The following LARS2 variants were observed in gnomAD, a reference collection of about 807,000 sequenced individuals.
LARS2 encodes leucyl-tRNA synthetase 2, mitochondrial, also known as leucine--tRNA ligase, mitochondrial.
A neutral mutation model predicts 116.6 loss-of-function variants in LARS2; 81 were observed. The ratio of observed to expected loss-of-function variants is 0.69; its 90% CI spans 0.58 to 0.84. The LOEUF (loss-of-function observed/expected upper bound fraction) is 0.84, where lower values mean the gene tolerates loss of function less well. Ranked by LOEUF, LARS2 falls within the 40% of genes least tolerant of loss-of-function variation. The pLI is 0.00. For missense variants in LARS2, 968 were observed against 1,114.5 expected, an observed-to-expected ratio of 0.87 and a Z score of 1.87; for synonymous variants, 396 against 407.2, an observed-to-expected ratio of 0.97 and a Z score of 0.33.
intron 13 of LARS2, among the ~76,000 whole-genome samples, chr3:45,492,665 C>A (rs1030901407): frequency 2.0e-5 from 3 of 152,294 alleles, no homozygotes; most frequent in South Asian, 4.1e-4. Flanking sequence ...CTTCTCTGAG[C>A]GTGAAATCCC....
intron 8 of LARS2, among the ~76,000 whole-genome samples, chr3:45,473,001 G>A (rs1699551844): frequency 6.6e-6 from 1 of 152,200 alleles, no homozygotes; most frequent in Non-Finnish European, 1.5e-5. Flanking sequence ...TGAGTACAGG[G>A]AATTAAATGG....
chr3:45,515,796 A>G (rs1700361733), intron 16 of LARS2, among the ~76,000 whole-genome samples: 1 of 152,254 alleles, frequency 6.6e-6, no homozygotes, highest in Admixed American at 6.5e-5. Context: ...TTGTGTATAA[A>G]TAATTCACTT....
intron 16 of LARS2, among the ~76,000 whole-genome samples, chr3:45,515,872 A>T (rs1700362520): frequency 6.6e-6 from 1 of 152,182 alleles, no homozygotes; most frequent in African/African-American, 2.4e-5. Flanking sequence ...TGTCCTGTTT[A>T]TTCGCGAAGG....
At chr3:45,427,105 A>G (rs1257081665) in intron 6 of LARS2, among the ~76,000 whole-genome samples, 5 of 152,230 alleles carry the variant, frequency 3.3e-5, no homozygotes, top group African/African-American at 4.8e-5. Flanking sequence ...AAATAAGGGT[A>G]CAAAATCTCT....
intron 6 of LARS2, among the ~76,000 whole-genome samples, chr3:45,423,664 A>G (rs905645168): frequency 8.5e-5 from 13 of 152,188 alleles, no homozygotes; most frequent in African/African-American, 3.1e-4. Flanking sequence ...ATTCATAGCA[A>G]TTATTTAAAT....
chr3:45,468,996 T>C (rs1230254966), intron 8 of LARS2, among the ~76,000 whole-genome samples: 8 of 152,170 alleles, frequency 5.3e-5, no homozygotes, highest in Non-Finnish European at 1.0e-4. Context: ...GCTGTGCACT[T>C]GTATGTGTGG....
chr3:45,438,288 G>T (rs1411163017), intron 6 of LARS2, among the ~76,000 whole-genome samples: 1 of 152,128 alleles, frequency 6.6e-6, no homozygotes, highest in Non-Finnish European at 1.5e-5. Context: ...ACATGTTTAA[G>T]CCAGTCCAGT....
chr3:45,480,177 C>T (rs56335636), intron 10 of LARS2, among the ~76,000 whole-genome samples: 4,816 of 152,208 alleles, frequency 0.032, 94 homozygotes, highest in Non-Finnish European at 0.049. Flanking sequence ...GGAAAAGCTT[C>T]TGTGCTCAAA....
intron 6 of LARS2, among the ~76,000 whole-genome samples, chr3:45,430,068 G>C (rs969954205): frequency 3.1e-5 from 4 of 127,382 alleles, no homozygotes; most frequent in African/African-American, 1.1e-4. Context: ...CTGGAGTGTA[G>C]TGGCGCGATC....
intron 3 of LARS2, among the ~76,000 whole-genome samples, chr3:45,396,919 G>A (rs766061193): frequency 1.3e-5 from 2 of 152,150 alleles, no homozygotes; most frequent in Non-Finnish European, 2.9e-5. Context: ...GATCCCAGAA[G>A]GCAAAAGAAT....
rs116614451 is a variant in LARS2 at position 45,501,481 on chromosome 3, G to A, written c.1760+902G>A. 5.9e-3 allele frequency among the ~76,000 whole-genome samples: 896 copies of A among 152,216 alleles called. 10 individuals are homozygous for A. The highest frequency in any genetic ancestry group is 0.021 in the African/African-American group (864 of 41,542). ...CAACAGTTTTTTGAGATTCAGCAGT[G>A]CTGACGGATGAAGTTATATTTCATT... On this transcript the variant is annotated intron_variant, in intron 15 of 21. Coordinates refer to ENST00000645846, the MANE Select transcript of LARS2 (RefSeq NM_015340.4).
chr3:45,404,897 A>G (rs1206662640), intron 4 of LARS2, among the ~76,000 whole-genome samples: 1 of 151,988 alleles, frequency 6.6e-6, no homozygotes, highest in African/African-American at 2.4e-5. Context: ...AGTCCTTGCT[A>G]TTTTTCAAAG....
At chr3:45,411,472 C>G (rs1436122093) in intron 4 of LARS2, among the ~76,000 whole-genome samples, 2 of 152,156 alleles carry the variant, frequency 1.3e-5, no homozygotes, top group Non-Finnish European at 2.9e-5. Context: ...CAGCCATAAC[C>G]CTATCCTGAG....
At chr3:45,406,244 C>A (rs949606762) in intron 4 of LARS2, among the ~76,000 whole-genome samples, 1 of 152,148 alleles carries the variant, frequency 6.6e-6, no homozygotes, top group Non-Finnish European at 1.5e-5. Context: ...GTAAAAATTT[C>A]TCTGTGTGTC....
In LARS2 at chr3:45,484,620, A is replaced by ATATATATATATATATATAT. The variant is rs1180010440; in HGVS notation, c.1019-1072_1019-1071insTATATATATATATATATAT. ...TGTCTCTACAAAAAAAAAAAAAAAA[A>ATATATATATATATATATAT]AAAAAAAAAAATATATATATATATA... On this transcript the variant is annotated intron_variant, in intron 10 of 21. Transcript: ENST00000645846. Among the ~76,000 whole-genome samples, 60 of 13,954 alleles carry ATATATATATATATATATAT rather than the reference A, an allele frequency of 4.3e-3. 4 individuals are homozygous for ATATATATATATATATATAT. Among genetic ancestry groups the ATATATATATATATATATAT allele is most frequent in the South Asian group, 6.5e-3 (1 of 154 alleles). The allele number at this position is 13,954 out of a possible 152,430, so 9.2% of individuals were successfully genotyped here.
At chr3:45,410,887 C>T (rs1368828567) in intron 4 of LARS2, among the ~76,000 whole-genome samples, 1 of 152,258 alleles carries the variant, frequency 6.6e-6, no homozygotes, top group African/African-American at 2.4e-5. Context: ...TTAAGTTGGA[C>T]ACAGAACAGT....
At chr3:45,480,664 T>G (rs1699683491) in intron 10 of LARS2, among the ~76,000 whole-genome samples, 2 of 152,212 alleles carry the variant, frequency 1.3e-5, no homozygotes, top group South Asian at 4.1e-4. Context: ...AGAGACCTAT[T>G]CAGGAACTTT....
At chr3:45,498,857 A>G (rs1022679271) in intron 14 of LARS2, among the ~76,000 whole-genome samples, 1 of 152,180 alleles carries the variant, frequency 6.6e-6, no homozygotes, top group African/African-American at 2.4e-5. Flanking sequence ...TTCTATTAGT[A>G]TCTGTTAGGT....
At chr3:45,492,429 T>A (rs1699937076) in intron 13 of LARS2, among the ~76,000 whole-genome samples, 1 of 152,258 alleles carries the variant, frequency 6.6e-6, no homozygotes, top group South Asian at 2.1e-4. Flanking sequence ...AGTTCCAGTA[T>A]TTTCCTTCTT....
Sources: allele counts gnomAD v4.1 joint callset (sites outside exome capture counted in the v4.1 genomes callset), GRCh38; gene constraint gnomAD v4.1.1; transcripts MANE v1.5; gene names NCBI Gene and HGNC (gene_info 2026-07-23, HGNC 2026-07-21).